The following TOP6BL variants were observed in gnomAD, a reference collection of about 807,000 sequenced individuals.
The protein encoded by TOP6BL is type 2 DNA topoisomerase 6 subunit B-like.
chr11:66,838,294 AG>A, the TOP6BL span: 4 of 1,347,744 alleles, frequency 3.0e-6, no homozygotes, highest in Non-Finnish European at 4.2e-6. Flanking sequence ...TGAAGCCACC[AG>A]GCACACTCCT....
At chr11:66,832,426 G>A in the TOP6BL span, among the ~76,000 whole-genome samples, 3 of 152,172 alleles carry the variant, frequency 2.0e-5, no homozygotes, top group African/African-American at 7.2e-5. Flanking sequence ...ATGAGTAACA[G>A]GGCCTTTGGT....
chr11:66,766,630 T>G, the TOP6BL span, among the ~76,000 whole-genome samples: 1 of 152,224 alleles, frequency 6.6e-6, no homozygotes, highest in South Asian at 2.1e-4. Context: ...CAAAGTTCAG[T>G]CACCAATGTG....
chr11:66,798,186 G>A, the TOP6BL span, among the ~76,000 whole-genome samples: 1 of 152,148 alleles, frequency 6.6e-6, no homozygotes, highest in South Asian at 2.1e-4. Context: ...TTAGAACAGT[G>A]AGGTACACTG....
chr11:66,804,001 A>G, the TOP6BL span: 1 of 1,598,486 alleles, frequency 6.3e-7, no homozygotes, highest in South Asian at 1.1e-5. Context: ...ACAGTAGACC[A>G]AATTTTGGTA....
the TOP6BL span, among the ~76,000 whole-genome samples, chr11:66,816,881 CGG>C: frequency 5.3e-5 from 8 of 152,026 alleles, no homozygotes; most frequent in African/African-American, 1.9e-4. Context: ...AGGCTGGGTG[CGG>C]TGGCTCATGC....
the TOP6BL span, among the ~76,000 whole-genome samples, chr11:66,783,129 C>T: frequency 0.033 from 5,094 of 152,184 alleles, 123 homozygotes; most frequent in Middle Eastern, 0.085. Context: ...GAAGATCTCT[C>T]GAGACCAGCC....
chr11:66,787,454 C>T, the TOP6BL span, among the ~76,000 whole-genome samples: 651 of 150,986 alleles, frequency 4.3e-3, 9 homozygotes, highest in Admixed American at 6.0e-3. Context: ...GTCTGTAATC[C>T]CAGCACTTTG....
At chr11:66,757,152 G>A in the TOP6BL span, among the ~76,000 whole-genome samples, 1 of 151,902 alleles carries the variant, frequency 6.6e-6, no homozygotes, top group Non-Finnish European at 1.5e-5. Context: ...AGACCAGCCC[G>A]CCCAACATAG....
At chr11:66,794,628 G>A in the TOP6BL span, among the ~76,000 whole-genome samples, 1 of 152,152 alleles carries the variant, frequency 6.6e-6, no homozygotes, top group East Asian at 1.9e-4. Context: ...CACCATCCCT[G>A]CTGTAAAATC....
chr11:66,820,044 A>G, the TOP6BL span, among the ~76,000 whole-genome samples: 1 of 152,022 alleles, frequency 6.6e-6, no homozygotes, highest in Admixed American at 6.6e-5. Context: ...GTGTCACTGC[A>G]CTCCAGGCTG....
At chr11:66,763,651 CTG>C in the TOP6BL span, among the ~76,000 whole-genome samples, 1 of 152,092 alleles carries the variant, frequency 6.6e-6, no homozygotes, top group Non-Finnish European at 1.5e-5. Flanking sequence ...GTCACCCAGA[CTG>C]GGGTGCAATG....
At chr11:66,778,835 A>G in the TOP6BL span, among the ~76,000 whole-genome samples, 1 of 152,212 alleles carries the variant, frequency 6.6e-6, no homozygotes, top group Non-Finnish European at 1.5e-5. Flanking sequence ...ATGGAACAGA[A>G]AAGAGCCCTT....
At chr11:66,799,064 G>A in the TOP6BL span, among the ~76,000 whole-genome samples, 1 of 151,992 alleles carries the variant, frequency 6.6e-6, no homozygotes, top group Non-Finnish European at 1.5e-5. Flanking sequence ...AAAATTAGCC[G>A]GGCATGGTGG....
the TOP6BL span, among the ~76,000 whole-genome samples, chr11:66,755,752 A>G: frequency 1.3e-5 from 2 of 152,180 alleles, no homozygotes; most frequent in Non-Finnish European, 2.9e-5. Flanking sequence ...AGACTCAGAA[A>G]TCTGTTCCAT....
At chr11:66,841,139 CAG>C in the TOP6BL span, among the ~76,000 whole-genome samples, 35 of 104,126 alleles carry the variant, frequency 3.4e-4, no homozygotes, top group South Asian at 1.6e-3. Context: ...TTTTTTGAGA[CAG>C]AGTCTCCCTC....
chr11:66,804,145 C>G, the TOP6BL span: 14 of 1,613,566 alleles, frequency 8.7e-6, no homozygotes, highest in African/African-American at 2.7e-5. Context: ...TGTGCCCCAG[C>G]CCAAAGGTTT....
chr11:66,802,404 C>T, the TOP6BL span, among the ~76,000 whole-genome samples: 14 of 152,262 alleles, frequency 9.2e-5, no homozygotes, highest in Middle Eastern at 6.8e-3. Flanking sequence ...CCTCCTGCCT[C>T]GGTCTCCCAA....
the TOP6BL span, among the ~76,000 whole-genome samples, chr11:66,826,055 G>A: frequency 1.3e-5 from 2 of 152,098 alleles, no homozygotes; most frequent in African/African-American, 2.4e-5. Context: ...GTGTTAGCTA[G>A]GATGGTCTCA....
chr11:66,744,841 G>A, the TOP6BL span: 10 of 1,329,808 alleles, frequency 7.5e-6, no homozygotes, highest in East Asian at 6.1e-5. Flanking sequence ...CGGCGGCGGC[G>A]GCGGGCGGGT....
Sources: allele counts gnomAD v4.1 joint callset (sites outside exome capture counted in the v4.1 genomes callset), GRCh38; gene constraint gnomAD v4.1.1; transcripts MANE v1.5; gene names NCBI Gene and HGNC (gene_info 2026-07-23, HGNC 2026-07-21).